The following TMEM30A variants were observed in gnomAD, a reference collection of about 807,000 sequenced individuals.
TMEM30A encodes the protein cell cycle control protein 50A.
In TMEM30A, 24 loss-of-function variants were observed where a neutral mutation model predicts 38.2. The ratio of observed to expected loss-of-function variants is 0.63; its 90% confidence interval spans 0.46 to 0.88. The LOEUF is 0.88. TMEM30A is among the 40% of genes least tolerant of loss of function. The pLI is 0.00. For missense variants in TMEM30A, 370 were observed against 458.6 expected (o/e 0.81, Z 1.77); for synonymous variants, 145 against 161.6 (o/e 0.90, Z 0.78).
chr6:75,259,004 G>A lies in TMEM30A; in HGVS notation c.686-18C>T, dbSNP rs147523. On this transcript the variant is annotated intron_variant, in intron 5 of 6. Transcript: ENST00000230461. ...TGTTGTACCTTAAAAGGAGTGGGGA[G>A]GGGATAAGGAGACAAAATATTACAT... 1,517,291 of 1,608,250 alleles carry A rather than the reference G, an allele frequency of 0.94. 716,726 individuals carry two copies. The highest frequency in any genetic ancestry group is 0.99 in the East Asian group (44,221 of 44,796).
At chr6:75,260,218 A>C (rs1771938268) in intron 4 of TMEM30A, among the ~76,000 whole-genome samples, 1 of 152,052 alleles carries the variant, frequency 6.6e-6, no homozygotes, top group African/African-American at 2.4e-5. Flanking sequence ...AGCCTGACCA[A>C]TATGGTGAAA....
chr6:75,258,850 A>C lies in TMEM30A; in HGVS notation c.822T>G (p.Arg274=), dbSNP rs1309158666. Residue 274 remains arginine, a synonymous_variant, in exon 6 of 7, where the codon CGT becomes CGG. Coordinates refer to ENST00000230461, the MANE Select transcript of TMEM30A (RefSeq NM_018247.4). ...AALPTFRKLY[R]LIERKSDLHP... is the part of the protein sequence containing the mutation. ...GTAAATCACTTTTCCTTTCTATAAG[A>C]CGATACAACTTGCGAAAAGTAGGTA... The C allele has an allele frequency of 1.2e-6, 2 of 1,614,042 alleles. No individual in the cohort carries two copies. The highest frequency in any genetic ancestry group is 1.7e-6 in the Non-Finnish European group (2 of 1,179,924).
chr6:75,265,567 A>C (rs1055424841), intron 2 of TMEM30A, among the ~76,000 whole-genome samples: 1 of 152,214 alleles, frequency 6.6e-6, no homozygotes, highest in Non-Finnish European at 1.5e-5. Context: ...CTATCCTTAA[A>C]GACGTCAAAA....
chr6:75,272,889 G>A (rs114545561), intron 1 of TMEM30A: 1 of 152,156 alleles, frequency 6.6e-6, no homozygotes, highest in African/African-American at 2.4e-5. Context: ...ATAAACCCAT[G>A]GTAGCCAGTG....
intron 3 of TMEM30A, among the ~76,000 whole-genome samples, chr6:75,261,643 G>A (rs577982694): frequency 1.1e-4 from 17 of 152,256 alleles, no homozygotes; most frequent in African/African-American, 4.1e-4. Context: ...GGACCCTCCC[G>A]CCACATTAAG....
rs896685217 is a variant in TMEM30A, at chr6:75,255,432, G to C, written c.*670C>G. 5.3e-5 allele frequency: 8 copies of C among 152,360 alleles called. No homozygotes were observed. The highest frequency in any genetic ancestry group is 8.8e-5 in the Non-Finnish European group (6 of 67,972). The allele number at this position is 152,360 out of a possible 1,614,324, so 9.4% of individuals were successfully genotyped here. A position where few individuals can be genotyped will look rare whatever the true frequency, so the allele number is the denominator to read the frequency against. Reference sequence around the variant, plus strand: ...ACTGCAACATTCAACCAAACGGAAAGAGGAATTTTTTAATTCTCCTAAGCA... The same window carrying C: ...ACTGCAACATTCAACCAAACGGAAACAGGAATTTTTTAATTCTCCTAAGCA... On this transcript the variant is annotated 3_prime_UTR_variant, in exon 7 of 7. Transcript: ENST00000230461.
At position 75,253,090 on chromosome 6, in the gene TMEM30A, G is replaced by A. The variant is rs1771807430; in HGVS notation, c.*3012C>T. ...TTATGCATCAAAATTCTTGTAAAAG[G>A]ACCACTTCCCTACTCCCTCCACCCT... On this transcript the variant is annotated 3_prime_UTR_variant, in exon 7 of 7. Transcript: ENST00000230461. The A allele has an allele frequency of 6.6e-6, 1 of 151,262 alleles. No individual in the cohort carries two copies. Among genetic ancestry groups the A allele is most frequent in the Non-Finnish European group, 1.5e-5 (1 of 67,890 alleles). The allele number at this position is 151,262 out of a possible 1,614,324, so 9.4% of individuals were successfully genotyped here. A position where few individuals can be genotyped will look rare whatever the true frequency, so the allele number is the denominator to read the frequency against.
intron 3 of TMEM30A, among the ~76,000 whole-genome samples, chr6:75,262,706 T>C (rs1381346644): frequency 6.6e-6 from 1 of 151,522 alleles, no homozygotes; most frequent in Non-Finnish European, 1.5e-5. Context: ...GAGTACCTAA[T>C]ATGCAGCATG....
intron 3 of TMEM30A, among the ~76,000 whole-genome samples, chr6:75,262,657 A>T (rs1771990485): frequency 6.6e-6 from 1 of 150,866 alleles, no homozygotes; most frequent in African/African-American, 2.4e-5. Flanking sequence ...AAAAAAAAAC[A>T]ACAAACAACA....
chr6:75,284,110 G>A lies in TMEM30A; in HGVS notation c.237+292C>T, dbSNP rs912751129. On this transcript the variant is annotated intron_variant, in intron 1 of 6. Transcript: ENST00000230461. ...GGAACCACACAAACCGCCCACTGAA[G>A]AAGCGTTCTCCACCTGACCTATCTT... The A allele has an allele frequency of 3.8e-5, 16 of 423,232 alleles. 1 individual carries two copies. The highest frequency in any genetic ancestry group is 2.0e-4 in the South Asian group (9 of 45,788). 26.2% of individuals were successfully genotyped at this position (423,232 alleles called of 1,614,324 possible).
chr6:75,284,003 G>A lies in TMEM30A; in HGVS notation c.237+399C>T, dbSNP rs374633475. ...CACTTTGACCCTGTCAATTCACTCA[G>A]GGTTACATCTACCTAGTTACAATTG... On this transcript the variant is annotated intron_variant, in intron 1 of 6. Transcript: ENST00000230461. Among the ~76,000 whole-genome samples, 15 of 152,146 alleles carry A rather than the reference G, an allele frequency of 9.9e-5. No individual in the cohort carries two copies. The East Asian group carries it at 2.5e-3, about 26-fold the overall frequency.
intron 1 of TMEM30A, among the ~76,000 whole-genome samples, chr6:75,284,013 T>C (rs532148363): frequency 1.2e-4 from 19 of 152,274 alleles, no homozygotes; most frequent in Admixed American, 2.0e-4. Flanking sequence ...GGGTTACATC[T>C]ACCTAGTTAC....
At chr6:75,284,100 G>C in intron 1 of TMEM30A, 14 of 300,786 alleles carry the variant, frequency 4.7e-5, no homozygotes, top group Non-Finnish European at 6.3e-5. Context: ...CACACAAACC[G>C]CCCACTGAAG....
chr6:75,267,895 A>C, intron 1 of TMEM30A, 147 bp from the exon 2 acceptor site: 1 of 458,840 alleles, frequency 2.2e-6, no homozygotes. Flanking sequence ...CATCTGTTTG[A>C]CAGTGTGAGG....
Position 75,284,412 on chromosome 6 carries a change from C to T in TMEM30A, c.227G>A (p.Arg76His), listed in dbSNP as rs577513902. The change falls in exon 1 of 7, where the codon CGC becomes CAC. Residue 76 changes from arginine to histidine, a missense_variant. Physicochemically the swap from Arg to His is conservative, Grantham distance 29 (BLOSUM62 0). Coordinates refer to ENST00000230461, the MANE Select transcript of TMEM30A (RefSeq NM_018247.4). ...GCTCCCTCCCCTCACCTCGATCTCG[C>T]GGATGTTGTTGGAGGTGACAAAAAT... ...IGIFVTSNNI[R>H]EIEIDYTGTE... 6.2e-6 allele frequency: 10 copies of T among 1,614,012 alleles called. No individual in the cohort carries two copies. Among genetic ancestry groups the T allele is most frequent in the Middle Eastern group, 3.3e-4 (2 of 6,062 alleles).
At chr6:75,279,802 A>AT (rs1772327540) in intron 1 of TMEM30A, among the ~76,000 whole-genome samples, 1 of 152,168 alleles carries the variant, frequency 6.6e-6, no homozygotes, top group Non-Finnish European at 1.5e-5. Flanking sequence ...AAAGATGCGC[A>AT]TTTTTTACAC....
chr6:75,265,080 A>C, intron 3 of TMEM30A, 151 bp downstream of exon 3: 1 of 470,104 alleles, frequency 2.1e-6, no homozygotes, highest in Admixed American at 3.8e-5. Flanking sequence ...CTGGGCGACA[A>C]AGTGAGACTC....
chr6:75,278,618 A>G (rs1206042555), intron 1 of TMEM30A, among the ~76,000 whole-genome samples: 5 of 152,192 alleles, frequency 3.3e-5, no homozygotes, highest in Admixed American at 2.0e-4. Flanking sequence ...AGACTCAGTA[A>G]AACAGAACCT....
intron 3 of TMEM30A, among the ~76,000 whole-genome samples, chr6:75,262,594 A>G (rs969719463): frequency 6.6e-6 from 1 of 151,806 alleles, no homozygotes; most frequent in Admixed American, 6.6e-5. Flanking sequence ...GTGAGCCGAG[A>G]TCGCACCACT....
Sources: allele counts gnomAD v4.1 joint callset (sites outside exome capture counted in the v4.1 genomes callset), GRCh38; gene constraint gnomAD v4.1.1; transcripts MANE v1.5; gene names NCBI Gene and HGNC (gene_info 2026-07-23, HGNC 2026-07-21).